FKBP7: variants seen among roughly 807,000 people sequenced by gnomAD.
The protein encoded by FKBP7 is peptidyl-prolyl cis-trans isomerase FKBP7.
Under a neutral mutation model 24.3 loss-of-function variants are expected in FKBP7, and 24 were observed. The ratio of observed to expected loss-of-function variants is 0.99; its 90% CI spans 0.72 to 1.39. The LOEUF (loss-of-function observed/expected upper bound fraction) is 1.39, where lower values mean the gene tolerates loss of function less well. Ranked by LOEUF, FKBP7 falls within the 40% of genes most tolerant of loss-of-function variation. FKBP7 has a pLI of 0.00. For synonymous variants in FKBP7, 98 were observed against 92.8 expected (o/e 1.06, Z -0.32); for missense variants, 257 against 269.5 (o/e 0.95, Z 0.33).
chr2:178,472,448 G>A (rs1394036503), intron 2 of FKBP7, among the ~76,000 whole-genome samples: 1 of 151,450 alleles, frequency 6.6e-6, no homozygotes, highest in African/African-American at 2.4e-5. Context: ...TATAAACATA[G>A]AAAATATTGG....
chr2:178,469,200 T>C (rs1684774594), intron 3 of FKBP7, among the ~76,000 whole-genome samples: 1 of 152,160 alleles, frequency 6.6e-6, no homozygotes, highest in Admixed American at 6.6e-5. Context: ...AGATCTTTAT[T>C]ACAAGGCTGA....
rs765920699 is a variant in FKBP7 at position 178,469,784 on chromosome 2, T to C, written c.375A>G (p.Ala125=). The change falls in exon 3 of 4, where the codon GCA becomes GCG. Residue 125 remains alanine (A), a splice_region_variant and synonymous_variant. Coordinates refer to ENST00000424785, the MANE Select transcript of FKBP7 (RefSeq NM_181342.3). ...PSFAYGKEGY[A]EGKIPPDATL... ...TAGCATCCGGTGGAATCTTGCCTTC[T>C]GCTAAGGGTATAAATTTTAACAGTT... The C allele has an allele frequency of 1.9e-6, 3 of 1,611,632 alleles. No homozygotes were observed. In the South Asian group the frequency reaches 3.3e-5, roughly 18 times the overall value.
rs182865263 is a variant in FKBP7 at position 178,475,419 on chromosome 2, G to A, written c.373+1643C>T. Among the ~76,000 whole-genome samples the A allele has an allele frequency of 3.9e-3, 598 of 152,044 alleles. 18 individuals are homozygous for A. The South Asian group carries it at 0.07, about 18-fold the overall frequency. The stretch of plus-strand genomic sequence containing the variant: ...TAATTTTTGTATTTTTAGTGGAGAC[G>A]GGGTTTCACCATATTGGCCAGACTG... On this transcript the variant is annotated intron_variant, in intron 2 of 3. Transcript: ENST00000424785.
intron 3 of FKBP7, among the ~76,000 whole-genome samples, chr2:178,467,179 T>G (rs902378578): frequency 6.6e-5 from 10 of 152,172 alleles, no homozygotes; most frequent in African/African-American, 2.4e-4. Flanking sequence ...ACTTGACTCC[T>G]TTTCCAGTAA....
chr2:178,474,818 G>A (rs567573961), intron 2 of FKBP7, among the ~76,000 whole-genome samples: 1 of 152,276 alleles, frequency 6.6e-6, no homozygotes, highest in East Asian at 1.9e-4. Context: ...CCCCTGAGTA[G>A]TTGGGACCAC....
chr2:178,472,034 T>C (rs1684860233), intron 2 of FKBP7, among the ~76,000 whole-genome samples: 1 of 152,066 alleles, frequency 6.6e-6, no homozygotes, highest in African/African-American at 2.4e-5. Context: ...CTGACAATAA[T>C]TCAAGGCAAA....
rs577171444 is a variant in FKBP7, at chr2:178,477,715, T to C, written c.222-502A>G. Among the ~76,000 whole-genome samples the C allele has an allele frequency of 1.5e-3, 221 of 152,272 alleles. 5 individuals are homozygous for C. In the South Asian group the frequency reaches 0.022, roughly 15 times the overall value. ...TTTTATTCTAAATGGATGGAACTGTTTTTCCCAGTCCTATCTTTACAGGGT... is the reference window on the plus strand; with the variant it reads ...TTTTATTCTAAATGGATGGAACTGTCTTTCCCAGTCCTATCTTTACAGGGT... On this transcript the variant is annotated intron_variant, in intron 1 of 3. Transcript: ENST00000424785.
chr2:178,470,766 T>C (rs148929397), intron 2 of FKBP7, among the ~76,000 whole-genome samples: 1,844 of 151,680 alleles, frequency 0.012, 42 homozygotes, highest in African/African-American at 0.042. Flanking sequence ...CTGGGCAACA[T>C]AGTGAGACCC....
chr2:178,476,365 CAT>C (rs1446334249), intron 2 of FKBP7, among the ~76,000 whole-genome samples: 7 of 152,092 alleles, frequency 4.6e-5, no homozygotes, highest in Admixed American at 1.3e-4. Context: ...GTAAAATACA[CAT>C]AACATAAAAT....
chr2:178,473,024 C>T (rs770174227), intron 2 of FKBP7: 2 of 1,242,446 alleles, frequency 1.6e-6, no homozygotes, highest in Non-Finnish European at 2.1e-6. Flanking sequence ...AGAATATATA[C>T]ATACCGCATG....
At position 178,471,891 on chromosome 2, in the gene FKBP7, T is replaced by A. The variant is rs187450952; in HGVS notation, c.374-2106A>T. Among the ~76,000 whole-genome samples the A allele has an allele frequency of 7.8e-4, 119 of 152,286 alleles. 3 individuals carry two copies. The highest frequency in any genetic ancestry group is 4.8e-3 in the Admixed American group (74 of 15,298). The stretch of plus-strand genomic sequence containing the variant: ...CTACCCATGCATCATATGACTAACA[T>A]AAAAGTCCTAACCTAATGCACCACA... On this transcript the variant is annotated intron_variant, in intron 2 of 3. Transcript: ENST00000424785.
intron 2 of FKBP7, 69 bp from the exon 3 acceptor site, chr2:178,469,854 C>T: frequency 8.0e-7 from 1 of 1,257,174 alleles, no homozygotes; most frequent in South Asian, 1.4e-5. Flanking sequence ...CATGAACTGC[C>T]ATAACCATAT....
chr2:178,477,096 T>C lies in FKBP7; in HGVS notation c.339A>G (p.Ile113Met). 6.2e-7 allele frequency: 1 copy of C among 1,611,912 alleles called. No homozygotes were observed. Among genetic ancestry groups the C allele is most frequent in the Non-Finnish European group, 8.5e-7 (1 of 1,179,252 alleles). The change falls in exon 2 of 4, where the codon ATA becomes ATG. Residue 113 changes from isoleucine (I) to methionine (M), a missense_variant. Coordinates refer to ENST00000424785, the MANE Select transcript of FKBP7 (RefSeq NM_181342.3). ...MCPGEKRKVVIPPSFAYGKEG... is the reference protein window; with the variant it reads ...MCPGEKRKVVMPPSFAYGKEG... ...CCTTTCCGTATGCAAATGAAGGGGG[T>C]ATAACTACTTTTCGCTTTTCTCCAG...
intron 2 of FKBP7, among the ~76,000 whole-genome samples, chr2:178,472,669 C>G (rs1485315041): frequency 6.6e-6 from 1 of 151,510 alleles, no homozygotes; most frequent in Non-Finnish European, 1.5e-5. Flanking sequence ...GCCAACATGG[C>G]GAAACCCCAT....
chr2:178,472,907 T>C, intron 2 of FKBP7: 1 of 319,850 alleles, frequency 3.1e-6, no homozygotes. Flanking sequence ...TCTTGTTTTT[T>C]TTTTTTTTTT....
rs531093866 is a variant in FKBP7 at position 178,464,735 on chromosome 2, A to G, written c.*1035T>C. On this transcript the variant is annotated 3_prime_UTR_variant, in exon 4 of 4. Coordinates refer to ENST00000424785, the MANE Select transcript of FKBP7 (RefSeq NM_181342.3). ...GACATGTGCCCTTTCTTTGGTACCAACGTGATCTTCTACAGCATCTCTTAC... is the reference window on the plus strand; with the variant it reads ...GACATGTGCCCTTTCTTTGGTACCAGCGTGATCTTCTACAGCATCTCTTAC... The G allele has an allele frequency of 1.3e-5, 2 of 152,318 alleles. No homozygotes were observed. The highest frequency in any genetic ancestry group is 2.1e-4 in the South Asian group (1 of 4,820). 9.4% of individuals were successfully genotyped at this position (152,318 alleles called of 1,614,324 possible). A position where few individuals can be genotyped will look rare whatever the true frequency, so the allele number is the denominator to read the frequency against.
intron 2 of FKBP7, among the ~76,000 whole-genome samples, chr2:178,476,525 T>G (rs1170793250): frequency 6.6e-6 from 1 of 152,192 alleles, no homozygotes; most frequent in Admixed American, 6.5e-5. Flanking sequence ...CTTCAGCCTC[T>G]GGCAATCACC....
Position 178,477,104 on chromosome 2 carries a change from C to G in FKBP7, c.331G>C (p.Val111Leu), listed in dbSNP as rs1685031208. Residue 111 changes from valine (V) to leucine (L), a missense_variant, in exon 2 of 4, where the codon GTA (valine) becomes CTA (leucine). Transcript: ENST00000424785. ...TDMCPGEKRKVVIPPSFAYGK... is the reference protein window; with the variant it reads ...TDMCPGEKRKLVIPPSFAYGK... ...TATGCAAATGAAGGGGGTATAACTA[C>G]TTTTCGCTTTTCTCCAGGGCACATA... The G allele has an allele frequency of 6.2e-7, 1 of 1,612,800 alleles. No individual in the cohort carries two copies. The highest frequency in any genetic ancestry group is 8.5e-7 in the Non-Finnish European group (1 of 1,179,462).
Position 178,478,410 on chromosome 2 carries a change from C to T in FKBP7, c.90G>A (p.Glu30=). Residue 30 remains glutamate (E), a synonymous_variant, in exon 1 of 4, where the codon GAG becomes GAA. Coordinates refer to ENST00000424785, the MANE Select transcript of FKBP7 (RefSeq NM_181342.3). ...CTTCTATTTTCACTTCTTCGGTGCT[C>T]TCCTCTTTCTTTTGTCTCTGAGCAG... The part of the protein sequence containing the change: ...LFTAQRQKKE[E]STEEVKIEVL... 3 of 1,614,180 alleles carry T rather than the reference C, an allele frequency of 1.9e-6. No individual in the cohort carries two copies. Among genetic ancestry groups the T allele is most frequent in the South Asian group, 1.1e-5 (1 of 91,084 alleles).
Sources: allele counts gnomAD v4.1 joint callset (sites outside exome capture counted in the v4.1 genomes callset), GRCh38; gene constraint gnomAD v4.1.1; transcripts MANE v1.5; gene names NCBI Gene and HGNC (gene_info 2026-07-23, HGNC 2026-07-21).